PUM2: variants seen among roughly 807,000 people sequenced by gnomAD.
PUM2 encodes the protein pumilio RNA binding family member 2.
Under a neutral mutation model 124.5 loss-of-function variants are expected in PUM2, and 57 were observed. That is an observed-to-expected ratio of 0.46 (90% confidence interval 0.37 to 0.57). The LOEUF is 0.57. PUM2 is among the 20% of genes least tolerant of loss of function. PUM2 has a pLI of 0.00. For synonymous variants in PUM2, 460 were observed against 446.1 expected (o/e 1.03, Z -0.39); for missense variants, 1,065 against 1,290.6 (o/e 0.83, Z 2.68).
intron 12 of PUM2, among the ~76,000 whole-genome samples, chr2:20,281,422 A>G (rs1671490441): frequency 6.6e-6 from 1 of 152,176 alleles, no homozygotes; most frequent in South Asian, 2.1e-4. Flanking sequence ...TCTGAACCAG[A>G]CGATCAGTGA....
At chr2:20,258,191 AT>A (rs1665275965) in intron 16 of PUM2, 51 bp downstream of exon 16, 2 of 1,443,276 alleles carry the variant, frequency 1.4e-6, no homozygotes, top group Middle Eastern at 1.8e-4. Context: ...ACATGTAATA[AT>A]TTAAAAATTG....
chr2:20,300,299 G>C (rs1050692708), intron 7 of PUM2, among the ~76,000 whole-genome samples: 1 of 152,102 alleles, frequency 6.6e-6, no homozygotes, highest in Non-Finnish European at 1.5e-5. Context: ...ACAGGCATGC[G>C]CCGCCACGCC....
At chr2:20,334,992 A>T (rs1387976052) in intron 1 of PUM2, among the ~76,000 whole-genome samples, 1 of 152,150 alleles carries the variant, frequency 6.6e-6, no homozygotes, top group Non-Finnish European at 1.5e-5. Context: ...CTATCACCGA[A>T]GCTAGAGTAC....
At chr2:20,291,164 T>A (rs950510553) in intron 9 of PUM2, among the ~76,000 whole-genome samples, 1 of 152,096 alleles carries the variant, frequency 6.6e-6, no homozygotes, top group Non-Finnish European at 1.5e-5. Flanking sequence ...GTCCACACTG[T>A]GGAAGGCACA....
intron 1 of PUM2, among the ~76,000 whole-genome samples, chr2:20,332,432 A>G (rs1322903149): frequency 3.3e-5 from 5 of 150,688 alleles, no homozygotes; most frequent in African/African-American, 4.9e-5. Flanking sequence ...ACCCACCCCC[A>G]TCAGCACAAC....
chr2:20,292,907 A>G (rs974051044), intron 9 of PUM2, among the ~76,000 whole-genome samples: 45 of 152,166 alleles, frequency 3.0e-4, no homozygotes, highest in African/African-American at 1.0e-3. Flanking sequence ...AGTCTGGGCA[A>G]CAAGAGCAAA....
intron 7 of PUM2, among the ~76,000 whole-genome samples, chr2:20,298,575 T>TA (rs1263439245): frequency 1.3e-5 from 2 of 151,958 alleles, no homozygotes; most frequent in Non-Finnish European, 2.9e-5. Context: ...CAAAAATAAA[T>TA]AAAAAATAAT....
chr2:20,307,356 C>T lies in PUM2; in HGVS notation c.883+622G>A, dbSNP rs191355933. The stretch of plus-strand genomic sequence containing the variant: ...TTGACAGTCTTCATACAAACTTAGA[C>T]AAAATCAGACAGGCATAAAAATGTT... On this transcript the variant is annotated intron_variant, in intron 7 of 20. Transcript: ENST00000361078. Among the ~76,000 whole-genome samples, 403 of 152,262 alleles carry T rather than the reference C, an allele frequency of 2.6e-3. 8 individuals carry two copies. The South Asian group carries it at 0.03, about 11-fold the overall frequency.
chr2:20,346,404 C>T (rs565288389), intron 1 of PUM2, among the ~76,000 whole-genome samples: 1 of 152,264 alleles, frequency 6.6e-6, no homozygotes, highest in African/African-American at 2.4e-5. Flanking sequence ...TCATACAATA[C>T]AATCCACATT....
chr2:20,308,525 T>A lies in PUM2; in HGVS notation c.578A>T (p.Asn193Ile). Residue 193 changes from asparagine to isoleucine, a missense_variant, in exon 6 of 21, where the codon AAT (asparagine) becomes ATT (isoleucine). Asn to Ile is a moderately radical substitution (Grantham distance 149). This residue lies in a region of PUM2 where 968 missense variants were observed against 1,159.8 expected (regional missense o/e 0.83). Transcript: ENST00000361078. Reference sequence around the variant, plus strand: ...CCCCAGTCCTTCTGAGGGATTAGTATTGGGGCCCAAGCGCTCAACTACTTC... The same window carrying A: ...CCCCAGTCCTTCTGAGGGATTAGTAATGGGGCCCAAGCGCTCAACTACTTC... ...PTEVVERLGPNTNPSEGLGPL... is the reference protein window; with the variant it reads ...PTEVVERLGPITNPSEGLGPL... 1 of 1,614,054 alleles carries A rather than the reference T, an allele frequency of 6.2e-7. No homozygotes were observed. The highest frequency in any genetic ancestry group is 8.5e-7 in the Non-Finnish European group (1 of 1,179,882).
At chr2:20,281,962 G>T (rs1671637730) in intron 12 of PUM2, among the ~76,000 whole-genome samples, 1 of 152,160 alleles carries the variant, frequency 6.6e-6, no homozygotes, top group African/African-American at 2.4e-5. Context: ...TGTTAGTTCT[G>T]CCATTTTCCA....
chr2:20,351,498 C>G (rs1284486658), upstream of PUM2, among the ~76,000 whole-genome samples: 1 of 152,212 alleles, frequency 6.6e-6, no homozygotes, highest in Non-Finnish European at 1.5e-5. Flanking sequence ...AAACTCAGGT[C>G]GTTCTCCAGC....
At position 20,296,528 on chromosome 2, in the gene PUM2, TACTG is replaced by T. The variant is rs569937494; in HGVS notation, c.1009+1021_1009+1024del. Among the ~76,000 whole-genome samples, 49 of 149,248 alleles carry T rather than the reference TACTG, an allele frequency of 3.3e-4. No individual in the cohort carries two copies. In the South Asian group the frequency reaches 9.7e-3, roughly 30 times the overall value. On this transcript the variant is annotated intron_variant, in intron 8 of 20. Transcript: ENST00000361078. ...AAAAAAAGTCAGTCTCCTAGGAAAA[TACTG>T]ACTGTCAGAAGTGGGTTTCAAACTG... is the stretch of plus-strand genomic sequence containing the variant.
Position 20,297,554 on chromosome 2 carries a change from T to C in PUM2, c.1008A>G (p.Ala336=), listed in dbSNP as rs756531061. ...AAAGATGAACAAATAGTATGTTACC[T>C]GCTAATGTAGCTGCTGCAGCCAATC... The part of the protein sequence containing the change: ...AAGLAAAATL[A]GPAVVPPQYY... The change falls in exon 8 of 21, where the codon GCA becomes GCG. Residue 336 remains alanine (A), a splice_region_variant and synonymous_variant. Transcript: ENST00000361078. 6.2e-7 allele frequency: 1 copy of C among 1,601,496 alleles called. No individual in the cohort carries two copies. Among genetic ancestry groups the C allele is most frequent in the South Asian group, 1.1e-5 (1 of 88,974 alleles).
At chr2:20,333,315 G>A (rs1307382278) in intron 1 of PUM2, among the ~76,000 whole-genome samples, 2 of 151,938 alleles carry the variant, frequency 1.3e-5, no homozygotes, top group South Asian at 2.1e-4. Context: ...TGGGAGGATC[G>A]CTTGAGGCCA....
chr2:20,297,350 GAA>G (rs1384275624), intron 8 of PUM2, among the ~76,000 whole-genome samples: 2 of 152,164 alleles, frequency 1.3e-5, no homozygotes, highest in Non-Finnish European at 2.9e-5. Context: ...CGTATACGAG[GAA>G]AAGTTATTGC....
At chr2:20,311,455 A>G in intron 5 of PUM2, 39 bp downstream of exon 5, 1 of 1,558,988 alleles carries the variant, frequency 6.4e-7, no homozygotes, top group South Asian at 1.2e-5. Context: ...TAATCCCTAA[A>G]AAGATACGCT....
chr2:20,296,356 G>A lies in PUM2; in HGVS notation c.1009+1197C>T, dbSNP rs563657281. On this transcript the variant is annotated intron_variant, in intron 8 of 20. Coordinates refer to ENST00000361078, the MANE Select transcript of PUM2 (RefSeq NM_015317.5). Reference sequence around the variant, plus strand: ...GAAAAATACAAAAAATTAGCCAGGCGTGGTGGTGGGCGCCTGTAGTCCCAG... The same window carrying A: ...GAAAAATACAAAAAATTAGCCAGGCATGGTGGTGGGCGCCTGTAGTCCCAG... Among the ~76,000 whole-genome samples, 7 of 152,162 alleles carry A rather than the reference G, an allele frequency of 4.6e-5. No homozygotes were observed. In the East Asian group the frequency reaches 7.8e-4, roughly 17 times the overall value.
chr2:20,336,045 C>T (rs530963874), intron 1 of PUM2, among the ~76,000 whole-genome samples: 4 of 152,310 alleles, frequency 2.6e-5, no homozygotes, highest in African/African-American at 7.2e-5. Flanking sequence ...TAGATAAGAT[C>T]TACACACTAA....
Sources: allele counts gnomAD v4.1 joint callset (sites outside exome capture counted in the v4.1 genomes callset), GRCh38; gene constraint gnomAD v4.1.1; regional missense constraint gnomAD v4.1.1; transcripts MANE v1.5; gene names NCBI Gene and HGNC (gene_info 2026-07-23, HGNC 2026-07-21).